PLEKHG1: variants seen among roughly 807,000 people sequenced by gnomAD.
PLEKHG1 encodes pleckstrin homology and RhoGEF domain containing G1.
Under a neutral mutation model 100.8 loss-of-function variants are expected in PLEKHG1, and 44 were observed. The ratio of observed to expected loss-of-function variants is 0.44; its 90% CI spans 0.34 to 0.56. The LOEUF is 0.56. Ranked by LOEUF, PLEKHG1 falls within the 20% of genes least tolerant of loss-of-function variation. The pLI, the probability that PLEKHG1 is intolerant of heterozygous loss-of-function variation, is 0.01. For synonymous variants in PLEKHG1, 640 were observed against 662.5 expected (o/e 0.97, Z 0.52); for missense variants, 1,545 against 1,720.9 (o/e 0.90, Z 1.81).
chr6:150,806,166 G>A (rs1787079440), intron 7 of PLEKHG1, among the ~76,000 whole-genome samples: 1 of 146,506 alleles, frequency 6.8e-6, no homozygotes, highest in Non-Finnish European at 1.5e-5. Context: ...AGAGTGTGGT[G>A]TGATGCCACT....
intron 3 of PLEKHG1, among the ~76,000 whole-genome samples, chr6:150,670,521 A>G (rs1779548720): frequency 6.6e-6 from 1 of 152,238 alleles, no homozygotes. Flanking sequence ...AAATCTGAGC[A>G]TGGGCGCCCC....
intron 3 of PLEKHG1, among the ~76,000 whole-genome samples, chr6:150,667,415 T>C (rs948195825): frequency 2.6e-5 from 4 of 152,224 alleles, no homozygotes; most frequent in Non-Finnish European, 4.4e-5. Context: ...TTTCAACATA[T>C]ATGTACTAAA....
intron 2 of PLEKHG1, among the ~76,000 whole-genome samples, chr6:150,641,876 C>CAAAAGAAAA (rs1778277145): frequency 1.3e-5 from 1 of 76,798 alleles, no homozygotes; most frequent in African/African-American, 5.3e-5. Context: ...TGTGAAAAGG[C>CAAAAGAAAA]AAAAAAAAAA....
intron 1 of PLEKHG1, among the ~76,000 whole-genome samples, chr6:150,631,005 G>A (rs1399688388): frequency 6.6e-6 from 1 of 152,126 alleles, no homozygotes; most frequent in Admixed American, 6.5e-5. Context: ...AAACCGTTTC[G>A]ATGGAGTGGA....
intron 2 of PLEKHG1, among the ~76,000 whole-genome samples, chr6:150,748,789 A>C (rs1562484672): frequency 6.6e-6 from 1 of 151,190 alleles, no homozygotes; most frequent in Non-Finnish European, 1.5e-5. Flanking sequence ...TGCCCGGCTA[A>C]TTTTTTTTGT....
intron 2 of PLEKHG1, among the ~76,000 whole-genome samples, chr6:150,648,283 G>C (rs1050836160): frequency 3.9e-5 from 6 of 152,124 alleles, no homozygotes; most frequent in Non-Finnish European, 8.8e-5. Flanking sequence ...TGCTGATGGG[G>C]ATAATTTGGC....
At position 150,747,628 on chromosome 6, in the gene PLEKHG1, C is replaced by A. The variant is rs376443556; in HGVS notation, c.411+13536C>A. 1.6e-3 allele frequency among the ~76,000 whole-genome samples: 246 copies of A among 150,204 alleles called. 2 individuals carry two copies. The highest frequency in any genetic ancestry group is 5.8e-3 in the African/African-American group (239 of 40,908). On this transcript the variant is annotated intron_variant, in intron 2 of 15. Transcript: ENST00000358517. ...CAACTTTTGGCCGGGCGTGGTGGCT[C>A]ACACCTCTGTAACCTCAGCACTTTG...
At chr6:150,837,071 A>C (rs1446431100) in intron 15 of PLEKHG1, among the ~76,000 whole-genome samples, 1 of 152,136 alleles carries the variant, frequency 6.6e-6, no homozygotes, top group East Asian at 1.9e-4. Flanking sequence ...CTGAGGCAGG[A>C]GAATCACTTG....
In PLEKHG1 at chr6:150,600,023, C is replaced by G; in HGVS notation, c.-204+6C>G. On this transcript the variant is annotated splice_donor_region_variant and intron_variant, in intron 1 of 3. Coordinates refer to the PLEKHG1 transcript ENST00000367326. The surrounding 1 kb of genome is among the most constrained non-coding windows in gnomAD (Gnocchi z 6.2). ...GCGAAGCCGTCCCTCCCCGGGTAAG[C>G]GCCGGTCGGGCCCGGACGCCCTGGG... is the stretch of plus-strand genomic sequence containing the variant. 4.3e-6 allele frequency: 1 copy of G among 233,376 alleles called. No individual in the cohort carries two copies. Among genetic ancestry groups the G allele is most frequent in the Non-Finnish European group, 9.2e-6 (1 of 108,704 alleles). The allele number at this position is 233,376 out of a possible 1,614,324, so 14.5% of individuals were successfully genotyped here.
intron 3 of PLEKHG1, among the ~76,000 whole-genome samples, chr6:150,687,278 C>T (rs1023393480): frequency 1.3e-5 from 2 of 152,028 alleles, no homozygotes; most frequent in African/African-American, 4.8e-5. Flanking sequence ...AATTCTTGTT[C>T]TGTGGTATTT....
chr6:150,768,766 C>A (rs1433599067), intron 3 of PLEKHG1, 28 bp downstream of exon 4: 2 of 1,239,358 alleles, frequency 1.6e-6, no homozygotes, highest in Non-Finnish European at 2.4e-6. Context: ...AGATTGTTCT[C>A]ACATACGAGC....
At chr6:150,637,171 C>G (rs889045928) in intron 1 of PLEKHG1, among the ~76,000 whole-genome samples, 2 of 152,122 alleles carry the variant, frequency 1.3e-5, no homozygotes, top group African/African-American at 2.4e-5. Context: ...TGTTTTGTCT[C>G]TGAGTGGCTT....
At chr6:150,704,657 TG>T (rs1780933173) in intron 3 of PLEKHG1, among the ~76,000 whole-genome samples, 1 of 152,270 alleles carries the variant, frequency 6.6e-6, no homozygotes, top group African/African-American at 2.4e-5. Context: ...GTTGTGCTCT[TG>T]GGCAGGGCCC....
At chr6:150,813,377 CA>C (rs1787661379) in intron 10 of PLEKHG1, among the ~76,000 whole-genome samples, 1 of 151,956 alleles carries the variant, frequency 6.6e-6, no homozygotes, top group South Asian at 2.1e-4. Flanking sequence ...ATCAAAGACC[CA>C]ACTGAGGCTG....
chr6:150,607,427 C>T (rs545050930), intron 1 of PLEKHG1, among the ~76,000 whole-genome samples: 114 of 152,170 alleles, frequency 7.5e-4, no homozygotes, highest in Non-Finnish European at 1.4e-3. Context: ...CATAAATATA[C>T]GATCCTGTGT....
intron 3 of PLEKHG1, among the ~76,000 whole-genome samples, chr6:150,773,285 G>A (rs879704830): frequency 2.0e-4 from 30 of 152,166 alleles, no homozygotes; most frequent in Middle Eastern, 3.4e-3. Flanking sequence ...TGTAATCCCC[G>A]CACATTGGGA....
chr6:150,732,303 TGTG>T (rs150669132), intron 1 of PLEKHG1, among the ~76,000 whole-genome samples: 4,237 of 152,320 alleles, frequency 0.028, 72 homozygotes, highest in South Asian at 0.052. Context: ...TAACTGTACT[TGTG>T]GAGAGTTGTA....
chr6:150,809,257 T>A, exon 8 of PLEKHG1: 1 of 1,614,186 alleles, frequency 6.2e-7, no homozygotes. Context: ...AGAAGAGAGA[T>A]GACACGTTTA....
At chr6:150,790,854 T>C (rs1208214699) in intron 4 of PLEKHG1, among the ~76,000 whole-genome samples, 1 of 151,888 alleles carries the variant, frequency 6.6e-6, no homozygotes, top group Non-Finnish European at 1.5e-5. Context: ...AAACCCCATC[T>C]CTACTAAAAA....
Sources: gnomAD v4.1 joint callset for allele counts (sites outside exome capture counted in the v4.1 genomes callset) on GRCh38, gnomAD v4.1.1 for gene constraint, Gnocchi (gnomAD v3.1) non-coding constraint, MANE v1.5 for transcripts, NCBI Gene and HGNC (gene_info 2026-07-23, HGNC 2026-07-21) for gene names.